The following MID2 variants were observed in gnomAD, a reference collection of about 807,000 sequenced individuals.
The protein encoded by MID2 is midline 2.
MID2 carries 13 observed loss-of-function variants against 46.1 expected under a neutral mutation model. That is an observed-to-expected ratio of 0.28 (90% confidence interval 0.18 to 0.45). The LOEUF is 0.45. MID2 is among the 20% of genes least tolerant of loss of function. MID2 has a pLI of 1.00. For synonymous variants in MID2, 199 were observed against 212.3 expected (o/e 0.94, Z 0.55); for missense variants, 431 against 575.4 (o/e 0.75, Z 2.57).
chrX:107,898,398 C>T (rs1320761089), intron 3 of MID2, among the ~76,000 whole-genome samples: 1 of 111,949 alleles, frequency 8.9e-6, no homozygotes, highest in Non-Finnish European at 1.9e-5. Flanking sequence ...CTTGTCTCCC[C>T]TTAAGCTCCA....
chrX:107,830,963 G>A (rs978809972), intron 1 of MID2, among the ~76,000 whole-genome samples: 4 of 110,825 alleles, frequency 3.6e-5, no homozygotes, highest in Non-Finnish European at 5.7e-5. Flanking sequence ...ATGACCATAG[G>A]CAGATATAAT....
intron 3 of MID2, among the ~76,000 whole-genome samples, chrX:107,873,043 A>G (rs977352359): frequency 9.0e-6 from 1 of 111,306 alleles, no homozygotes; most frequent in Non-Finnish European, 1.9e-5. Context: ...TCCAAGCACA[A>G]TGAAGATGGT....
intron 5 of MID2, 47 bp downstream of exon 5, chrX:107,905,673 G>A (rs1271253842): frequency 1.9e-6 from 2 of 1,074,616 alleles, no homozygotes; most frequent in Admixed American, 2.8e-5. Context: ...GTGAAAAGAG[G>A]CCAATTTAAA....
intron 2 of MID2, among the ~76,000 whole-genome samples, chrX:107,850,258 C>T (rs1156409828): frequency 9.0e-6 from 1 of 111,297 alleles, no homozygotes; most frequent in Non-Finnish European, 1.9e-5. Context: ...AAGATAATTA[C>T]TTGGCCAAAT....
At chrX:107,916,251 G>T in intron 6 of MID2, 122 bp downstream of exon 6, 1 of 533,706 alleles carries the variant, frequency 1.9e-6, no homozygotes, top group Non-Finnish European at 2.7e-6. Flanking sequence ...TTAAAATGAT[G>T]CATGTGTCTT....
chrX:107,857,560 C>A (rs935105787), intron 3 of MID2, among the ~76,000 whole-genome samples: 11 of 111,734 alleles, frequency 9.8e-5, no homozygotes, highest in Non-Finnish European at 2.1e-4. Flanking sequence ...GGATTACAGG[C>A]GTGAGCCACC....
At chrX:107,876,533 A>G (rs953137644) in intron 3 of MID2, among the ~76,000 whole-genome samples, 1 of 110,698 alleles carries the variant, frequency 9.0e-6, no homozygotes, top group African/African-American at 3.3e-5. Flanking sequence ...TCCATCATGG[A>G]CACCTAAAGT....
intron 3 of MID2, among the ~76,000 whole-genome samples, chrX:107,874,679 C>G (rs1469250734): frequency 8.9e-6 from 1 of 112,468 alleles, no homozygotes; most frequent in Non-Finnish European, 1.9e-5. Flanking sequence ...TGAGTTTTAG[C>G]TGCCTGAGTA....
At chrX:107,826,910 C>T (rs1469059637) in intron 1 of MID2, among the ~76,000 whole-genome samples, 1 of 113,392 alleles carries the variant, frequency 8.8e-6, no homozygotes, top group Non-Finnish European at 1.9e-5. Flanking sequence ...GACGCCCTGC[C>T]GGCGGGGAGG....
At chrX:107,892,816 C>G (rs888189818) in intron 3 of MID2, among the ~76,000 whole-genome samples, 3 of 112,212 alleles carry the variant, frequency 2.7e-5, no homozygotes, top group African/African-American at 9.7e-5. Context: ...CCCCACTTGA[C>G]AACTGTTGGT....
intron 5 of MID2, among the ~76,000 whole-genome samples, chrX:107,906,410 C>T (rs750340987): frequency 2.4e-4 from 27 of 111,581 alleles, no homozygotes; most frequent in Non-Finnish European, 4.1e-4. Flanking sequence ...AGCCATCTAG[C>T]TTCTTTAACA....
intron 1 of MID2, among the ~76,000 whole-genome samples, chrX:107,829,493 TG>T (rs1374776081): frequency 1.8e-5 from 2 of 112,533 alleles, no homozygotes; most frequent in Non-Finnish European, 3.8e-5. Flanking sequence ...TTAGCCTATA[TG>T]GGGGCAGTTT....
chrX:107,847,732 G>T (rs1284203003), intron 2 of MID2, among the ~76,000 whole-genome samples: 1 of 111,590 alleles, frequency 9.0e-6, no homozygotes, highest in Admixed American at 9.5e-5. Flanking sequence ...AGGTATTAGG[G>T]TTACAGTGAT....
chrX:107,855,583 A>G (rs1158685379), intron 3 of MID2, among the ~76,000 whole-genome samples: 2 of 112,100 alleles, frequency 1.8e-5, no homozygotes, highest in African/African-American at 6.5e-5. Context: ...TCTTACTTGT[A>G]TGACAGACAA....
At chrX:107,863,738 G>A (rs1931902337) in intron 3 of MID2, among the ~76,000 whole-genome samples, 1 of 112,409 alleles carries the variant, frequency 8.9e-6, no homozygotes, top group African/African-American at 3.2e-5. Context: ...CTAAACAAAT[G>A]TTTTAAAAAC....
Position 107,883,006 on chromosome X carries a change from G to T in MID2, c.817-20952G>T, listed in dbSNP as rs1932359463. On this transcript the variant is annotated intron_variant, in intron 3 of 9. Coordinates refer to ENST00000262843, the MANE Select transcript of MID2 (RefSeq NM_012216.4). ...GAAAACGTGGCACATATACACCGTGGAATACTATGCAGCCATAAAAAAGTA... is the reference window on the plus strand; with the variant it reads ...GAAAACGTGGCACATATACACCGTGTAATACTATGCAGCCATAAAAAAGTA... Among the ~76,000 whole-genome samples the T allele has an allele frequency of 9.8e-5, 11 of 112,027 alleles. No individual in the cohort carries two copies. In the South Asian group the frequency reaches 4.2e-3, roughly 42 times the overall value.
intron 3 of MID2, among the ~76,000 whole-genome samples, chrX:107,886,441 G>A (rs1251868051): frequency 9.0e-6 from 1 of 111,687 alleles, no homozygotes; most frequent in Non-Finnish European, 1.9e-5. Flanking sequence ...GTAGATATGC[G>A]GCATTATTTC....
intron 3 of MID2, among the ~76,000 whole-genome samples, chrX:107,869,718 G>C (rs963649430): frequency 1.8e-5 from 2 of 110,102 alleles, no homozygotes; most frequent in Non-Finnish European, 3.8e-5. Context: ...ACTCTTGTCC[G>C]TGCTGTGAAT....
In MID2 at chrX:107,928,904, G is replaced by A. The variant is rs1039135826; in HGVS notation, c.*1831G>A. On this transcript the variant is annotated 3_prime_UTR_variant, in exon 10 of 10. Transcript: ENST00000262843. ...ATGTGCTTACTGCTAATCAGGAAAT[G>A]AACAACCTCAGTAAAATTCATCAGT... Among the ~76,000 whole-genome samples, 1 of 111,870 alleles carries A rather than the reference G, an allele frequency of 8.9e-6. No homozygotes were observed. The highest frequency in any genetic ancestry group is 3.2e-5 in the African/African-American group (1 of 30,795).
Sources: allele counts gnomAD v4.1 joint callset (sites outside exome capture counted in the v4.1 genomes callset), GRCh38; gene constraint gnomAD v4.1.1; transcripts MANE v1.5; gene names NCBI Gene and HGNC (gene_info 2026-07-23, HGNC 2026-07-21).